The following L3MBTL4 variants were observed in gnomAD, a reference collection of about 807,000 sequenced individuals.
The protein encoded by L3MBTL4 is L3MBTL histone methyl-lysine binding protein 4.
In L3MBTL4, 70 loss-of-function variants were observed where a neutral mutation model predicts 84.5. The observed-to-expected ratio is 0.83, with a 90% CI of 0.68 to 1.01. L3MBTL4 has a LOEUF of 1.01. Ranked by LOEUF, L3MBTL4 falls within the 50% of genes least tolerant of loss-of-function variation. The pLI, the probability that L3MBTL4 is intolerant of heterozygous loss-of-function variation, is 0.00. For missense variants in L3MBTL4, 715 were observed against 754.8 expected (o/e 0.95, Z 0.62); for synonymous variants, 274 against 259.8 (o/e 1.05, Z -0.52).
intron 16 of L3MBTL4, among the ~76,000 whole-genome samples, chr18:6,076,185 C>T (rs555548751): frequency 6.6e-6 from 1 of 152,206 alleles, no homozygotes; most frequent in Non-Finnish European, 1.5e-5. Context: ...AAATCACATA[C>T]TAGAATGTTC....
chr18:6,253,262 A>T (rs548523961), intron 5 of L3MBTL4, among the ~76,000 whole-genome samples: 1 of 152,208 alleles, frequency 6.6e-6, no homozygotes, highest in African/African-American at 2.4e-5. Context: ...CCCATTTCAC[A>T]CATGAAGAAC....
In L3MBTL4 at chr18:6,170,463, G is replaced by T. The variant is rs557321346; in HGVS notation, c.1096+1365C>A. Reference sequence around the variant, plus strand: ...GGGTTGAGGAAGGGGTCAAGAGGGAGCAGAGTCTGGAATGGCAACTTAGGA... The same window carrying T: ...GGGTTGAGGAAGGGGTCAAGAGGGATCAGAGTCTGGAATGGCAACTTAGGA... On this transcript the variant is annotated intron_variant, in intron 13 of 18. Coordinates refer to ENST00000317931, the MANE Select transcript of L3MBTL4 (RefSeq NM_001330559.2). Among the ~76,000 whole-genome samples the T allele has an allele frequency of 2.6e-5, 4 of 152,324 alleles. No homozygotes were observed. The South Asian group carries it at 8.3e-4, about 32-fold the overall frequency.
At chr18:6,085,395 G>T (rs746374487) in intron 15 of L3MBTL4, among the ~76,000 whole-genome samples, 5 of 152,206 alleles carry the variant, frequency 3.3e-5, no homozygotes, top group African/African-American at 1.2e-4. Flanking sequence ...TTAACAAAAT[G>T]TTAATATAAA....
intron 17 of L3MBTL4, among the ~76,000 whole-genome samples, chr18:5,961,989 G>C (rs1940610): frequency 0.37 from 56,056 of 151,786 alleles, 10,628 homozygotes; most frequent in East Asian, 0.51. Context: ...AACTGTGCTG[G>C]CTATATATAC....
At chr18:5,978,781 A>G (rs189354560) in intron 16 of L3MBTL4, among the ~76,000 whole-genome samples, 1 of 152,128 alleles carries the variant, frequency 6.6e-6, no homozygotes. Context: ...GGTTGTGAGG[A>G]GCTAATGGAT....
At chr18:6,127,356 G>A (rs1333622800) in intron 14 of L3MBTL4, among the ~76,000 whole-genome samples, 1 of 152,148 alleles carries the variant, frequency 6.6e-6, no homozygotes, top group Non-Finnish European at 1.5e-5. Flanking sequence ...CCAAGACGAT[G>A]CTTCTTCTTC....
chr18:6,367,094 C>T (rs565477625), intron 1 of L3MBTL4, among the ~76,000 whole-genome samples: 5 of 152,330 alleles, frequency 3.3e-5, no homozygotes, highest in Admixed American at 2.0e-4. Context: ...ATCCCAAGCC[C>T]GACAGTCTAA....
chr18:6,009,501 T>A (rs1294415225), intron 16 of L3MBTL4, among the ~76,000 whole-genome samples: 1 of 152,182 alleles, frequency 6.6e-6, no homozygotes, highest in Non-Finnish European at 1.5e-5. Flanking sequence ...CCAGTTTTAG[T>A]ACCACTGCCC....
chr18:6,269,269 A>C (rs974756665), intron 4 of L3MBTL4, among the ~76,000 whole-genome samples: 3 of 152,010 alleles, frequency 2.0e-5, no homozygotes, highest in Non-Finnish European at 4.4e-5. Context: ...AGACCATCCT[A>C]ACATGGTGAA....
chr18:6,412,000 ACTTTT>A (rs1458753742), intron 1 of L3MBTL4, among the ~76,000 whole-genome samples: 11 of 152,160 alleles, frequency 7.2e-5, no homozygotes, highest in African/African-American at 2.4e-4. Context: ...CATTGTTTTA[ACTTTT>A]CTTTTCAGTT....
At chr18:6,081,434 C>A (rs1238664430) in intron 15 of L3MBTL4, among the ~76,000 whole-genome samples, 2 of 152,082 alleles carry the variant, frequency 1.3e-5, no homozygotes, top group Non-Finnish European at 2.9e-5. Flanking sequence ...TGTAGTACGG[C>A]CTAATTCTGT....
At chr18:6,399,061 T>C (rs1332300445) in intron 1 of L3MBTL4, among the ~76,000 whole-genome samples, 1 of 152,236 alleles carries the variant, frequency 6.6e-6, no homozygotes, top group Non-Finnish European at 1.5e-5. Flanking sequence ...AATGTACTTT[T>C]CCTATTTATT....
At chr18:6,348,261 T>G (rs2053014997) in intron 1 of L3MBTL4, among the ~76,000 whole-genome samples, 1 of 151,998 alleles carries the variant, frequency 6.6e-6, no homozygotes, top group Non-Finnish European at 1.5e-5. Context: ...TAGAGGGATT[T>G]TTAAAGAAAT....
In L3MBTL4 at chr18:5,969,438, CA is replaced by C. The variant is rs1393356096; in HGVS notation, c.1568del (p.Val523GlyfsTer47). 1 of 1,613,776 alleles carries C rather than the reference CA, an allele frequency of 6.2e-7. No homozygotes were observed. Among genetic ancestry groups the C allele is most frequent in the African/African-American group, 1.3e-5 (1 of 74,918 alleles). On this transcript the variant is annotated frameshift_variant, in exon 17 of 19. Coordinates refer to ENST00000317931, the MANE Select transcript of L3MBTL4 (RefSeq NM_001330559.2). LOFTEE classifies it high-confidence loss of function. ...REQHCKLLPG[V>X]ADIRASQVAR... ...CCACTTGGCTGGCCCGGATGTCAGCCACGCCTGGAAGCAACTTGCAGTGTTG... is the reference window on the plus strand; with the variant it reads ...CCACTTGGCTGGCCCGGATGTCAGCCCGCCTGGAAGCAACTTGCAGTGTTG...
chr18:5,998,035 C>CA (rs1170721431), intron 16 of L3MBTL4, among the ~76,000 whole-genome samples: 2 of 152,172 alleles, frequency 1.3e-5, no homozygotes, highest in African/African-American at 4.8e-5. Context: ...CCTCTACCTA[C>CA]AACAAACCAA....
intron 14 of L3MBTL4, among the ~76,000 whole-genome samples, chr18:6,132,550 A>G (rs780087099): frequency 6.6e-6 from 1 of 152,154 alleles, no homozygotes; most frequent in Admixed American, 6.5e-5. Flanking sequence ...TCTCACTATC[A>G]CACCTTCAGT....
chr18:6,331,412 C>G (rs1213728578), intron 1 of L3MBTL4, among the ~76,000 whole-genome samples: 1 of 152,014 alleles, frequency 6.6e-6, no homozygotes, highest in Non-Finnish European at 1.5e-5. Flanking sequence ...AAGCTCAAAT[C>G]AATTATAACA....
chr18:6,366,039 T>C (rs935701177), intron 1 of L3MBTL4, among the ~76,000 whole-genome samples: 2 of 152,204 alleles, frequency 1.3e-5, no homozygotes, highest in African/African-American at 4.8e-5. Flanking sequence ...GGCATACTTC[T>C]GTAACCTCAA....
At chr18:6,255,645 T>C (rs2048105291) in intron 5 of L3MBTL4, among the ~76,000 whole-genome samples, 1 of 152,150 alleles carries the variant, frequency 6.6e-6, no homozygotes, top group Admixed American at 6.5e-5. Context: ...GCCTTGTGAT[T>C]TAAACTCCAA....
Sources: allele counts gnomAD v4.1 joint callset (sites outside exome capture counted in the v4.1 genomes callset), GRCh38; gene constraint gnomAD v4.1.1; transcripts MANE v1.5; gene names NCBI Gene and HGNC (gene_info 2026-07-23, HGNC 2026-07-21).